LAMA1: variants seen among roughly 807,000 people sequenced by gnomAD.
LAMA1 encodes laminin subunit alpha 1.
Under a neutral mutation model 348.7 loss-of-function variants are expected in LAMA1, and 219 were observed. That is an observed-to-expected ratio of 0.63 (90% CI 0.56 to 0.70). The LOEUF (loss-of-function observed/expected upper bound fraction) is 0.70, where lower values mean the gene tolerates loss of function less well. Among genes scored for constraint, LAMA1 ranks in the 30% least tolerant of loss-of-function variants. LAMA1 has a pLI of 0.00. For synonymous variants in LAMA1, 1,487 were observed against 1,491.0 expected, an observed-to-expected ratio of 1.00 and a Z score of 0.06; for missense variants, 3,744 against 3,888.0, an observed-to-expected ratio of 0.96 and a Z score of 0.99.
intron 3 of LAMA1, among the ~76,000 whole-genome samples, chr18:7,068,786 T>C (rs2058133779): frequency 1.5e-5 from 2 of 137,548 alleles, no homozygotes; most frequent in Admixed American, 6.7e-5. Flanking sequence ...GTTAAGTCAA[T>C]ACATAAAAAA....
At chr18:7,079,441 G>A in intron 3 of LAMA1, 1 of 172,502 alleles carries the variant, frequency 5.8e-6, no homozygotes, top group South Asian at 1.4e-4. Flanking sequence ...CCCCACTCAT[G>A]CTGAAGGCAC....
At chr18:6,987,038 C>T (rs896921934) in intron 36 of LAMA1, among the ~76,000 whole-genome samples, 3 of 152,156 alleles carry the variant, frequency 2.0e-5, no homozygotes, top group African/African-American at 4.8e-5. Context: ...GGATTACAGG[C>T]GTAAGCCACT....
intron 3 of LAMA1, among the ~76,000 whole-genome samples, chr18:7,053,038 A>AATAG (rs1232368723): frequency 2.0e-5 from 3 of 152,204 alleles, no homozygotes; most frequent in Admixed American, 1.3e-4. Context: ...TAAATAAATA[A>AATAG]ATAAACAAAC....
chr18:6,989,392 C>T (rs983228202), intron 36 of LAMA1, among the ~76,000 whole-genome samples: 2 of 152,090 alleles, frequency 1.3e-5, no homozygotes, highest in African/African-American at 4.8e-5. Context: ...GACCCCCGAC[C>T]CAGCATGAAA....
chr18:6,959,274 G>C, intron 54 of LAMA1, 67 bp downstream of exon 54: 1 of 1,609,650 alleles, frequency 6.2e-7, no homozygotes. Context: ...CCACCGCAAG[G>C]TTCCTCCCAC....
At chr18:7,017,120 T>A (rs899601086) in intron 20 of LAMA1, among the ~76,000 whole-genome samples, 158 bp downstream of exon 20, 1 of 152,184 alleles carries the variant, frequency 6.6e-6, no homozygotes, top group Non-Finnish European at 1.5e-5. Flanking sequence ...TGTGAGTCAA[T>A]CAAACCTCCT....
intron 1 of LAMA1, among the ~76,000 whole-genome samples, chr18:7,085,541 C>T: frequency 6.6e-6 from 1 of 151,442 alleles, no homozygotes; most frequent in East Asian, 1.9e-4. Flanking sequence ...GTCTCAGCCT[C>T]CAGAGTAGCT....
chr18:7,107,072 C>T (rs1445751030), intron 1 of LAMA1, among the ~76,000 whole-genome samples: 1 of 151,836 alleles, frequency 6.6e-6, no homozygotes, highest in African/African-American at 2.4e-5. Flanking sequence ...ATGTCCACTC[C>T]TATGACTTTA....
chr18:7,095,929 G>A (rs1038362712), intron 1 of LAMA1, among the ~76,000 whole-genome samples: 4 of 152,328 alleles, frequency 2.6e-5, no homozygotes, highest in East Asian at 1.9e-4. Flanking sequence ...TTCGCCAGGC[G>A]TGGTGGCAGG....
In LAMA1 at chr18:6,984,041, C is replaced by G. The variant is rs653793; in HGVS notation, c.5661-807G>C. Among the ~76,000 whole-genome samples, 5 of 152,218 alleles carry G rather than the reference C, an allele frequency of 3.3e-5. No homozygotes were observed. In the East Asian group the frequency reaches 9.7e-4, roughly 29 times the overall value. On this transcript the variant is annotated intron_variant, in intron 39 of 62. Coordinates refer to ENST00000389658, the MANE Select transcript of LAMA1 (RefSeq NM_005559.4). ...CAACAAATTGTTTCTATTACTCATA[C>G]GAAGTAATAAAGATTTTGTTTTAGC...
chr18:7,046,279 T>A lies in LAMA1; in HGVS notation c.857A>T (p.Lys286Met). The part of the protein sequence containing the change: ...ASSCPWDETT[K>M]KLQCQCEHNT... Reference sequence around the variant, plus strand: ...AAAATGTGAAATACTAGAACTCACCTTTGTAGTTTCATCCCATGGGCAGCT... The same window carrying A: ...AAAATGTGAAATACTAGAACTCACCATTGTAGTTTCATCCCATGGGCAGCT... Residue 286 changes from lysine to methionine, a missense_variant and splice_region_variant, in exon 6 of 63, where the codon AAG (lysine) becomes ATG (methionine). Around this residue, in one of 3 missense-constraint regions of LAMA1, gnomAD observed 1,529 missense variants for 1,689.4 expected, o/e 0.91. Transcript: ENST00000389658. 6.2e-7 allele frequency: 1 copy of A among 1,600,834 alleles called. No homozygotes were observed. The highest frequency in any genetic ancestry group is 2.2e-5 in the East Asian group (1 of 44,668).
At chr18:6,945,264 G>A (rs1464063731) in intron 61 of LAMA1, among the ~76,000 whole-genome samples, 2 of 152,224 alleles carry the variant, frequency 1.3e-5, no homozygotes, top group African/African-American at 4.8e-5. Context: ...GTATAGATGA[G>A]GGAAAAAGTT....
At position 6,966,159 on chromosome 18, in the gene LAMA1, A is replaced by G; in HGVS notation, c.7038T>C (p.Gly2346=). The change falls in exon 49 of 63, where the codon GGT becomes GGC. Residue 2346 remains glycine, a synonymous_variant. Transcript: ENST00000389658. The part of the protein sequence containing the change: ...FSPNGLLLYL[G]SYGTKDFLSI... ...CAAACACTCTTACTGTGCCGTATGA[A>G]CCCAGGTAGAGAAGAAGTCCATTAG... is the stretch of plus-strand genomic sequence containing the variant. The G allele has an allele frequency of 1.2e-6, 2 of 1,614,198 alleles. No individual in the cohort carries two copies. Among genetic ancestry groups the G allele is most frequent in the Non-Finnish European group, 1.7e-6 (2 of 1,180,018 alleles).
chr18:6,954,963 G>C, intron 57 of LAMA1: 1 of 331,498 alleles, frequency 3.0e-6, no homozygotes, highest in Non-Finnish European at 5.8e-6. Flanking sequence ...TGGCACTCGG[G>C]ATTTTGGCCA....
At chr18:7,010,133 T>C (rs550030274) in intron 26 of LAMA1, 67 bp downstream of exon 26, 19 of 1,570,612 alleles carry the variant, frequency 1.2e-5, no homozygotes, top group Non-Finnish European at 1.7e-5. Flanking sequence ...ATGGCTTTCA[T>C]CTTTCACTAC....
At chr18:6,984,700 A>G (rs552219) in intron 39 of LAMA1, among the ~76,000 whole-genome samples, 100,665 of 152,094 alleles carry the variant, frequency 0.66, 33,588 homozygotes, top group East Asian at 0.8. Flanking sequence ...TCCAAAAAAT[A>G]TAAGTTAAAG....
At chr18:6,947,969 GA>G (rs2057529758) in intron 60 of LAMA1, among the ~76,000 whole-genome samples, 1 of 152,176 alleles carries the variant, frequency 6.6e-6, no homozygotes, top group African/African-American at 2.4e-5. Context: ...CAGGAGAAAG[GA>G]AGCACAGAGT....
chr18:6,955,914 A>G, intron 56 of LAMA1: 1 of 336,478 alleles, frequency 3.0e-6, no homozygotes, highest in Non-Finnish European at 5.8e-6. Flanking sequence ...GTGTGAACCT[A>G]GGTCCACACT....
intron 4 of LAMA1, among the ~76,000 whole-genome samples, chr18:7,049,747 C>T (rs1182425574): frequency 6.6e-6 from 1 of 152,170 alleles, no homozygotes; most frequent in Non-Finnish European, 1.5e-5. Flanking sequence ...TGTGAATTAC[C>T]ATGATCTCAA....
Sources: gnomAD v4.1 joint callset for allele counts (sites outside exome capture counted in the v4.1 genomes callset) on GRCh38, gnomAD v4.1.1 for gene constraint, gnomAD v4.1.1 regional missense constraint, MANE v1.5 for transcripts, NCBI Gene and HGNC (gene_info 2026-07-23, HGNC 2026-07-21) for gene names.